SLC6A3: variants seen among roughly 807,000 people sequenced by gnomAD.
SLC6A3 encodes sodium-dependent dopamine transporter.
Under a neutral mutation model 70.4 loss-of-function variants are expected in SLC6A3, and 19 were observed. The ratio of observed to expected loss-of-function variants is 0.27; its 90% CI spans 0.19 to 0.40. The LOEUF is 0.40. Ranked by LOEUF, SLC6A3 falls within the 10% of genes least tolerant of loss-of-function variation. The probability of loss-of-function intolerance (pLI) is 1.00; values close to 1 mark genes in which losing one functional copy is unlikely to be tolerated. For missense variants in SLC6A3, 613 were observed against 838.5 expected, an observed-to-expected ratio of 0.73 and a Z score of 3.32; for synonymous variants, 368 against 356.6, an observed-to-expected ratio of 1.03 and a Z score of -0.36.
In SLC6A3 at chr5:1,410,830, ATG is replaced by A. The variant is rs371731161; in HGVS notation, c.1269+411_1269+412del. Among the ~76,000 whole-genome samples the A allele has an allele frequency of 2.1e-3, 318 of 151,464 alleles. 8 individuals are homozygous for A. In the South Asian group the frequency reaches 0.049, roughly 24 times the overall value. On this transcript the variant is annotated intron_variant, in intron 9 of 14. Transcript: ENST00000270349. Reference sequence around the variant, plus strand: ...TATGTGTGTGTGCATGCGTGTGTGCATGTGTGTGTTCGTGTGTGTTCATGTAT... The same window carrying A: ...TATGTGTGTGTGCATGCGTGTGTGCATGTGTGTTCGTGTGTGTTCATGTAT...
At chr5:1,407,295 C>T (rs1756006315) in intron 11 of SLC6A3, among the ~76,000 whole-genome samples, 1 of 152,204 alleles carries the variant, frequency 6.6e-6, no homozygotes. Flanking sequence ...AGAATCCCCT[C>T]TTCACACCCA....
intron 3 of SLC6A3, among the ~76,000 whole-genome samples, chr5:1,433,894 G>A (rs1197631481): frequency 6.6e-6 from 1 of 151,264 alleles, no homozygotes; most frequent in Non-Finnish European, 1.5e-5. Flanking sequence ...CATCCACCCG[G>A]CCATCCACAA....
intron 3 of SLC6A3, among the ~76,000 whole-genome samples, chr5:1,439,712 C>G (rs1166807225): frequency 2.0e-5 from 3 of 152,242 alleles, no homozygotes; most frequent in Non-Finnish European, 2.9e-5. Context: ...AGAGGCTGAC[C>G]TTCTAGTAGT....
intron 6 of SLC6A3, among the ~76,000 whole-genome samples, chr5:1,418,886 GCTAC>G (rs1469877180): frequency 3.8e-5 from 5 of 130,388 alleles, no homozygotes; most frequent in South Asian, 2.6e-4. Flanking sequence ...ATCCTATCTA[GCTAC>G]CTACCTATCA....
At chr5:1,440,298 T>A (rs1000157714) in intron 3 of SLC6A3, among the ~76,000 whole-genome samples, 1 of 151,892 alleles carries the variant, frequency 6.6e-6, no homozygotes, top group Non-Finnish European at 1.5e-5. Context: ...AATGGATGGA[T>A]GGATAGATAG....
intron 8 of SLC6A3, among the ~76,000 whole-genome samples, chr5:1,414,003 G>A (rs1579708861): frequency 6.6e-6 from 1 of 152,120 alleles, no homozygotes; most frequent in Admixed American, 6.6e-5. Flanking sequence ...CCACCCTCTC[G>A]GAGACAACTC....
chr5:1,416,138 C>T lies in SLC6A3; in HGVS notation c.991G>A (p.Ala331Thr). The change falls in exon 7 of 15, where the codon GCC becomes ACC. Residue 331 changes from alanine to threonine, a missense_variant. Transcript: ENST00000270349. ...GTGAACTTGTTGTAGCTGGAGAAGG[C>T]GATCAGCACCCCGAACCCCACGCCC... The part of the protein sequence containing the change: ...SLGVGFGVLI[A>T]FSSYNKFTNN... 6.2e-7 allele frequency: 1 copy of T among 1,613,992 alleles called. No individual in the cohort carries two copies. Among genetic ancestry groups the T allele is most frequent in the Non-Finnish European group, 8.5e-7 (1 of 1,179,980 alleles).
At position 1,432,650 on chromosome 5, in the gene SLC6A3, TAGA is replaced by T; in HGVS notation, c.464_466del (p.Phe155del). On this transcript the variant is annotated inframe_deletion, in exon 4 of 15. Transcript: ENST00000270349. Reference sequence around the variant, plus strand: ...CAGCGCCCAGGCGATGATGACGTTGTAGAAGAAGCCGACATACAGTGAGATGAG... The same window carrying T: ...CAGCGCCCAGGCGATGATGACGTTGTAGAAGCCGACATACAGTGAGATGAG... 1 of 1,614,140 alleles carries T rather than the reference TAGA, an allele frequency of 6.2e-7. No individual in the cohort carries two copies.
intron 14 of SLC6A3, among the ~76,000 whole-genome samples, chr5:1,395,321 C>T (rs985493666): frequency 1.3e-5 from 2 of 152,272 alleles, no homozygotes; most frequent in Non-Finnish European, 2.9e-5. Context: ...CAGCAAATGT[C>T]ATCGCCTGCT....
rs180733486 is a variant in SLC6A3, at chr5:1,394,526, C to T, written c.*209G>A. 231 of 670,016 alleles carry T rather than the reference C, an allele frequency of 3.4e-4. 1 individual carries two copies. In the African/African-American group the frequency reaches 3.8e-3, roughly 11 times the overall value. 41.5% of individuals were successfully genotyped at this position (670,016 alleles called of 1,614,324 possible). A position where few individuals can be genotyped will look rare whatever the true frequency, so the allele number is the denominator to read the frequency against. On this transcript the variant is annotated 3_prime_UTR_variant, in exon 15 of 15. Coordinates refer to ENST00000270349, the MANE Select transcript of SLC6A3 (RefSeq NM_001044.5). This position sits in a 1 kb window ranked among gnomAD's most constrained non-coding sequence, Gnocchi z 4.7. Reference sequence around the variant, plus strand: ...GCTGCACAGATCTACGTCGTTATTACAGCAACACAAGACACGGCGAGGTGC... The same window carrying T: ...GCTGCACAGATCTACGTCGTTATTATAGCAACACAAGACACGGCGAGGTGC...
rs2126370753 is a variant in SLC6A3, at chr5:1,421,801, C to T, written c.792+75G>A. ...CCCAACTGAGGCCACACGTGCACCT[C>T]CTGTCCAGCCACGGCCACATGTCCA... On this transcript the variant is annotated intron_variant, in intron 5 of 14. Transcript: ENST00000270349. The surrounding 1 kb of genome is among the most constrained non-coding windows in gnomAD (Gnocchi z 7.2). 6.5e-7 allele frequency: 1 copy of T among 1,542,244 alleles called. No individual in the cohort carries two copies. Among genetic ancestry groups the T allele is most frequent in the Non-Finnish European group, 8.9e-7 (1 of 1,117,936 alleles).
chr5:1,394,658 G>A lies in SLC6A3; in HGVS notation c.*77C>T, dbSNP rs878964583. 6.8e-6 allele frequency: 10 copies of A among 1,474,672 alleles called. No individual in the cohort carries two copies. The highest frequency in any genetic ancestry group is 3.3e-5 in the Admixed American group (2 of 59,856). The allele number at this position is 1,474,672 out of a possible 1,614,324, so 91.3% of individuals were successfully genotyped here. On this transcript the variant is annotated 3_prime_UTR_variant, in exon 15 of 15. Transcript: ENST00000270349. The surrounding 1 kb of genome is among the most constrained non-coding windows in gnomAD (Gnocchi z 4.7). ...AGTAGAAGTTGCCCTCCTTTCTCTC[G>A]AAACTTAGATTTCCTTGGTTTGTTC... is the stretch of plus-strand genomic sequence containing the variant.
In SLC6A3 at chr5:1,405,808, G is replaced by A. The variant is rs963419792; in HGVS notation, c.1599+380C>T. ...CCCCTGCTGCTCTCATCCAGCACTC[G>A]GCATCCTTTGTCCCCACTGCCCCGG... On this transcript the variant is annotated intron_variant, in intron 12 of 14. Coordinates refer to ENST00000270349, the MANE Select transcript of SLC6A3 (RefSeq NM_001044.5). This position sits in a 1 kb window ranked among gnomAD's most constrained non-coding sequence, Gnocchi z 5.3. Among the ~76,000 whole-genome samples, 7 of 152,218 alleles carry A rather than the reference G, an allele frequency of 4.6e-5. No individual in the cohort carries two copies. Among genetic ancestry groups the A allele is most frequent in the African/African-American group, 1.4e-4 (6 of 41,484 alleles).
chr5:1,406,370 C>T lies in SLC6A3; in HGVS notation c.1499-82G>A, dbSNP rs913321930. ...GGACACGTGTGGGGGTCCTCGCTGA[C>T]TCCCAAGGGCCCCACCTACCGGCCC... On this transcript the variant is annotated intron_variant, in intron 11 of 14. Transcript: ENST00000270349. This position sits in a 1 kb window ranked among gnomAD's most constrained non-coding sequence, Gnocchi z 8.8. 1.2e-5 allele frequency: 14 copies of T among 1,208,112 alleles called. No homozygotes were observed. Among genetic ancestry groups the T allele is most frequent in the Non-Finnish European group, 1.7e-5 (14 of 812,036 alleles). 74.8% of individuals were successfully genotyped at this position (1,208,112 alleles called of 1,614,324 possible). A position where few individuals can be genotyped will look rare whatever the true frequency, so the allele number is the denominator to read the frequency against.
intron 14 of SLC6A3, among the ~76,000 whole-genome samples, chr5:1,395,205 C>T (rs1363480370): frequency 6.6e-6 from 1 of 152,188 alleles, no homozygotes. Flanking sequence ...TGACACGCTA[C>T]CTCTGCAGCT....
At position 1,403,078 on chromosome 5, in the gene SLC6A3, C is replaced by G; in HGVS notation, c.1611G>C (p.Val537=). 6.2e-7 allele frequency: 1 copy of G among 1,613,602 alleles called. No homozygotes were observed. The highest frequency in any genetic ancestry group is 8.5e-7 in the Non-Finnish European group (1 of 1,179,982). Residue 537 remains valine (V), a synonymous_variant, in exon 13 of 15, where the codon GTG becomes GTC. Coordinates refer to ENST00000270349, the MANE Select transcript of SLC6A3 (RefSeq NM_001044.5). ...GGGGTCTGAAGGTCACAATGCTGAC[C>G]ACGACCACGAACTGCAACCAGCAGA... is the stretch of plus-strand genomic sequence containing the variant. The part of the protein sequence containing the change: ...VSPCFLLFVV[V]VSIVTFRPPH...
At chr5:1,444,463 C>T (rs1733752107) in intron 1 of SLC6A3, among the ~76,000 whole-genome samples, 2 of 152,024 alleles carry the variant, frequency 1.3e-5, no homozygotes, top group African/African-American at 4.8e-5. Context: ...CACACAGGTG[C>T]GCACACACAC....
chr5:1,398,153 G>A (rs1260227187), intron 14 of SLC6A3, among the ~76,000 whole-genome samples: 3 of 152,254 alleles, frequency 2.0e-5, no homozygotes, highest in Middle Eastern at 3.4e-3. Context: ...TTGAGATCAG[G>A]AGTTCGAGAC....
rs1375732450 is a variant in SLC6A3, at chr5:1,404,974, TCA to T, written c.1599+1212_1599+1213del. 1.3e-5 allele frequency among the ~76,000 whole-genome samples: 2 copies of T among 152,170 alleles called. No homozygotes were observed. Among genetic ancestry groups the T allele is most frequent in the Non-Finnish European group, 2.9e-5 (2 of 68,036 alleles). On this transcript the variant is annotated intron_variant, in intron 12 of 14. Transcript: ENST00000270349. This position sits in a 1 kb window ranked among gnomAD's most constrained non-coding sequence, Gnocchi z 5.2. Reference sequence around the variant, plus strand: ...AGCCAACGTCCTCATGCAAAACAGCTCAGTTTCAACTAATGGCGGGGGAGAGC... The same window carrying T: ...AGCCAACGTCCTCATGCAAAACAGCTGTTTCAACTAATGGCGGGGGAGAGC...
Sources: gnomAD v4.1 joint callset for allele counts (sites outside exome capture counted in the v4.1 genomes callset) on GRCh38, gnomAD v4.1.1 for gene constraint, Gnocchi (gnomAD v3.1) non-coding constraint, MANE v1.5 for transcripts, NCBI Gene and HGNC (gene_info 2026-07-23, HGNC 2026-07-21) for gene names.